Variants in NUDT13 observed in about 807,000 individuals in gnomAD.
NUDT13 encodes the protein nudix hydrolase 13, also known as NAD(P)H pyrophosphatase NUDT13, mitochondrial.
NUDT13 carries 40 observed loss-of-function variants against 41.7 expected under a neutral mutation model. That is an observed-to-expected ratio of 0.96 (90% CI 0.75 to 1.25). The LOEUF (loss-of-function observed/expected upper bound fraction) is 1.25, where lower values mean the gene tolerates loss of function less well. Ranked by LOEUF, NUDT13 falls within the 50% of genes most tolerant of loss-of-function variation. The pLI, the probability that NUDT13 is intolerant of heterozygous loss-of-function variation, is 0.00. For synonymous variants in NUDT13, 145 were observed against 155.5 expected (o/e 0.93, Z 0.50); for missense variants, 390 against 416.1 (o/e 0.94, Z 0.55).
chr10:73,120,723 G>A (rs1473268950), intron 3 of NUDT13, among the ~76,000 whole-genome samples: 1 of 152,062 alleles, frequency 6.6e-6, no homozygotes, highest in Non-Finnish European at 1.5e-5. Context: ...CAGATCACGA[G>A]GTCAAGAGAT....
rs764373129 is a variant in NUDT13 at position 73,125,212 on chromosome 10, G to A, written c.560G>A (p.Cys187Tyr). 4 of 1,612,968 alleles carry A rather than the reference G, an allele frequency of 2.5e-6. No homozygotes were observed. The highest frequency in any genetic ancestry group is 3.4e-6 in the Non-Finnish European group (4 of 1,179,750). Residue 187 changes from cysteine (C) to tyrosine (Y), a missense_variant, in exon 6 of 9, where the codon TGC (cysteine) becomes TAC (tyrosine). Coordinates refer to ENST00000357321, the MANE Select transcript of NUDT13 (RefSeq NM_015901.6). Reference protein sequence around the residue: ...KKNVAGSKRVCPSNNIIYYPQ... With the variant: ...KKNVAGSKRVYPSNNIIYYPQ... ...AACGTGGCTGGCAGCAAGCGTGTGTGCCCTTCCAATAATATAATCTATTAT... is the reference window on the plus strand; with the variant it reads ...AACGTGGCTGGCAGCAAGCGTGTGTACCCTTCCAATAATATAATCTATTAT...
rs1199286208 is a variant in NUDT13, at chr10:73,120,825, C to T, written c.223+668C>T. On this transcript the variant is annotated intron_variant, in intron 3 of 8. Transcript: ENST00000357321. ...TGGTGGCGGGTGCCTGTAGTCCCAG[C>T]TACTCGGGAGGCTGAGGTAGGAGAA... Among the ~76,000 whole-genome samples, 5 of 151,744 alleles carry T rather than the reference C, an allele frequency of 3.3e-5. No individual in the cohort carries two copies. The South Asian group carries it at 8.3e-4, about 25-fold the overall frequency.
rs576034407 is a variant in NUDT13, at chr10:73,131,276, G to A, written c.*373G>A. The A allele has an allele frequency of 5.2e-6, 1 of 191,804 alleles. No individual in the cohort carries two copies. The highest frequency in any genetic ancestry group is 2.3e-5 in the African/African-American group (1 of 43,634). The allele number at this position is 191,804 out of a possible 1,614,324, so 11.9% of individuals were successfully genotyped here. ...CACTAACTGCCAAAATGTGCCTGTT[G>A]TAAGTTTGGTTAAAACTTTTATCTT... is the stretch of plus-strand genomic sequence containing the variant. On this transcript the variant is annotated 3_prime_UTR_variant, in exon 9 of 9. Coordinates refer to ENST00000357321, the MANE Select transcript of NUDT13 (RefSeq NM_015901.6).
intron 3 of NUDT13, 77 bp downstream of exon 3, chr10:73,120,234 A>G (rs1315319957): frequency 7.5e-6 from 11 of 1,475,102 alleles, no homozygotes; most frequent in Non-Finnish European, 1.0e-5. Flanking sequence ...GAATTCTAAG[A>G]AAGATCCTTG....
At chr10:73,110,668 T>A (rs1476320239) in intron 1 of NUDT13, 101 bp downstream of exon 1, 5 of 152,064 alleles carry the variant, frequency 3.3e-5, no homozygotes, top group Non-Finnish European at 5.9e-5. Context: ...GTCACAGCAT[T>A]TTAACATTTT....
At chr10:73,117,613 G>C (rs1321196729) in intron 2 of NUDT13, among the ~76,000 whole-genome samples, 1 of 150,536 alleles carries the variant, frequency 6.6e-6, no homozygotes, top group African/African-American at 2.4e-5. Flanking sequence ...ATGTGAAAAT[G>C]TTTACATATG....
Position 73,130,717 on chromosome 10 carries a change from G to C in NUDT13, c.873G>C (p.Leu291Phe), listed in dbSNP as rs1000383926. 1 of 1,613,574 alleles carries C rather than the reference G, an allele frequency of 6.2e-7. No individual in the cohort carries two copies. Among genetic ancestry groups the C allele is most frequent in the East Asian group, 2.2e-5 (1 of 44,872 alleles). The change falls in exon 9 of 9, where the codon TTG (leucine) becomes TTC (phenylalanine). Residue 291 changes from leucine to phenylalanine, a missense_variant. Transcript: ENST00000357321. ...KPGQTEIQVN[L>F]RELETAAWFS... Reference sequence around the variant, plus strand: ...ATGTCTTTCAGATCCAGGTGAACTTGAGAGAATTAGAGACAGCTGCCTGGT... The same window carrying C: ...ATGTCTTTCAGATCCAGGTGAACTTCAGAGAATTAGAGACAGCTGCCTGGT...
chr10:73,112,327 CG>C (rs1417897861), intron 1 of NUDT13, among the ~76,000 whole-genome samples: 1 of 151,438 alleles, frequency 6.6e-6, no homozygotes, highest in East Asian at 1.9e-4. Context: ...CACTCCAGCC[CG>C]GGCAACAAGA....
rs1305732928 is a variant in NUDT13 at position 73,122,239 on chromosome 10, T to C, written c.288T>C (p.Ile96=). 1 of 1,614,036 alleles carries C rather than the reference T, an allele frequency of 6.2e-7. No individual in the cohort carries two copies. ...DAQRIEDSVL[I]GCSEQQEAWF... ...AAAGAATAGAAGATTCTGTGCTGATTGGATGCTCTGAGCAGCAGGAAGCAT... is the reference window on the plus strand; with the variant it reads ...AAAGAATAGAAGATTCTGTGCTGATCGGATGCTCTGAGCAGCAGGAAGCAT... Residue 96 remains isoleucine, a synonymous_variant, in exon 4 of 9, where the codon ATT becomes ATC. Transcript: ENST00000357321.
chr10:73,113,840 AT>A (rs2133200529), intron 1 of NUDT13, among the ~76,000 whole-genome samples: 1 of 152,344 alleles, frequency 6.6e-6, no homozygotes, highest in Non-Finnish European at 1.5e-5. Flanking sequence ...GTGGTTGGTT[AT>A]TTAACTGTAA....
chr10:73,126,895 A>G, intron 8 of NUDT13, 68 bp downstream of exon 8: 10 of 1,326,294 alleles, frequency 7.5e-6, no homozygotes, highest in Admixed American at 1.7e-5. Context: ...ATCAGCAAGT[A>G]CTTATTAAGC....
Position 73,125,120 on chromosome 10 carries a change from T to C in NUDT13, c.468T>C (p.Ala156=). ...CAGGCCCATCATTGTGTTCCTAGGC[T>C]CAAGCTCTTCTCCGCTGGCATGATG... ...NARDASLLST[A]QALLRWHDAH... Residue 156 remains alanine (A), a splice_region_variant and synonymous_variant, in exon 6 of 9, where the codon GCT becomes GCC. Transcript: ENST00000357321. 6.2e-7 allele frequency: 1 copy of C among 1,608,056 alleles called. No homozygotes were observed. Among genetic ancestry groups the C allele is most frequent in the East Asian group, 2.2e-5 (1 of 44,852 alleles).
At chr10:73,123,214 TCA>T (rs1842689914) in intron 4 of NUDT13, among the ~76,000 whole-genome samples, 4 of 152,218 alleles carry the variant, frequency 2.6e-5, no homozygotes, top group Admixed American at 2.0e-4. Flanking sequence ...TTTGTATATT[TCA>T]GTATTTCATA....
rs1229606047 is a variant in NUDT13, at chr10:73,126,839, T to C, written c.858+12T>C. ...CAGGGCAGACAGAAGTAAGTTCTCA[T>C]CTTCCCTTATACTGTGATATTTCTT... is the stretch of plus-strand genomic sequence containing the variant. On this transcript the variant is annotated intron_variant, in intron 8 of 8. Transcript: ENST00000357321. 1.9e-6 allele frequency: 3 copies of C among 1,612,292 alleles called. No individual in the cohort carries two copies. Among genetic ancestry groups the C allele is most frequent in the Non-Finnish European group, 2.5e-6 (3 of 1,178,526 alleles).
At position 73,114,388 on chromosome 10, in the gene NUDT13, C is replaced by A; in HGVS notation, c.23C>A (p.Ala8Asp). MSLYCGI[A>D]CRRKFFWCYR... The stretch of plus-strand genomic sequence containing the variant: ...ACAATGTCCCTGTATTGTGGAATAG[C>A]TTGCAGGAGAAAATTTTTTTGGTGC... Residue 8 changes from alanine to aspartate, a missense_variant, in exon 2 of 9, where the codon GCT (alanine) becomes GAT (aspartate). Physicochemically the swap from Ala to Asp is moderately radical, Grantham distance 126. Coordinates refer to ENST00000357321, the MANE Select transcript of NUDT13 (RefSeq NM_015901.6). 6.3e-7 allele frequency: 1 copy of A among 1,583,474 alleles called. No homozygotes were observed. Among genetic ancestry groups the A allele is most frequent in the Non-Finnish European group, 8.6e-7 (1 of 1,161,632 alleles).
chr10:73,129,212 G>A lies in NUDT13; in HGVS notation c.859-1491G>A, dbSNP rs1279922714. Among the ~76,000 whole-genome samples, 79 of 128,860 alleles carry A rather than the reference G, an allele frequency of 6.1e-4. No individual in the cohort carries two copies. In the Admixed American group the frequency reaches 6.9e-3, roughly 11 times the overall value. 84.5% of individuals were successfully genotyped at this position (128,860 alleles called of 152,430 possible). On this transcript the variant is annotated intron_variant, in intron 8 of 8. Coordinates refer to ENST00000357321, the MANE Select transcript of NUDT13 (RefSeq NM_015901.6). Reference sequence around the variant, plus strand: ...TTTGAGATGGAGTCTCATTCTTGTCGCCCAGGCTGGAGTGCAGTGGCACAA... The same window carrying A: ...TTTGAGATGGAGTCTCATTCTTGTCACCCAGGCTGGAGTGCAGTGGCACAA...
intron 8 of NUDT13, 119 bp downstream of exon 8, chr10:73,126,946 G>A: frequency 2.2e-6 from 2 of 910,270 alleles, no homozygotes; most frequent in Non-Finnish European, 3.4e-6. Context: ...ATAAACATGT[G>A]TAAAATATGA....
intron 5 of NUDT13, 48 bp downstream of exon 5, chr10:73,124,368 T>G: frequency 7.8e-7 from 1 of 1,283,374 alleles, no homozygotes; most frequent in Non-Finnish European, 1.1e-6. Flanking sequence ...GAGCAGTAAG[T>G]GTGGGCAAAT....
chr10:73,114,571 TTG>T (rs753748426), intron 2 of NUDT13, 123 bp downstream of exon 2: 9 of 286,682 alleles, frequency 3.1e-5, no homozygotes, highest in Non-Finnish European at 5.1e-5. Flanking sequence ...ATTACTATAT[TTG>T]TGTGTGTGTA....
Sources: gnomAD v4.1 joint callset for allele counts (sites outside exome capture counted in the v4.1 genomes callset) on GRCh38, gnomAD v4.1.1 for gene constraint, MANE v1.5 for transcripts, NCBI Gene and HGNC (gene_info 2026-07-23, HGNC 2026-07-21) for gene names.